The following THRB variants were observed in gnomAD, a reference collection of about 807,000 sequenced individuals.
The protein encoded by THRB is thyroid hormone receptor beta, also known as nuclear receptor subfamily 1 group A member 2.
THRB carries 12 observed loss-of-function variants against 47.8 expected under a neutral mutation model. The observed-to-expected ratio is 0.25, with a 90% CI of 0.16 to 0.41. The LOEUF (loss-of-function observed/expected upper bound fraction) is 0.41. Among genes scored for constraint, THRB ranks in the 10% least tolerant of loss-of-function variants. The probability of loss-of-function intolerance (pLI) is 1.00; values close to 1 mark genes in which losing one functional copy is unlikely to be tolerated. For missense variants in THRB, 348 were observed against 589.2 expected (o/e 0.59, Z 4.24); for synonymous variants, 218 against 212.2 (o/e 1.03, Z -0.24).
rs76509683 is a variant in THRB at position 24,403,424 on chromosome 3, A to G, written c.-260-66053T>C. Among the ~76,000 whole-genome samples, 1,446 of 152,118 alleles carry G rather than the reference A, an allele frequency of 9.5e-3. 20 individuals carry two copies. Among genetic ancestry groups the G allele is most frequent in the African/African-American group, 0.033 (1,356 of 41,546 alleles). ...TTAACATTTCTCAAATCTAGGACAC[A>G]GTTCTCAATGTATCCGAGAAATTCT... On this transcript the variant is annotated intron_variant, in intron 1 of 10. Coordinates refer to ENST00000646209, the MANE Select transcript of THRB (RefSeq NM_001354712.2).
intron 1 of THRB, among the ~76,000 whole-genome samples, chr3:24,338,009 G>A (rs148255798): frequency 2.6e-5 from 4 of 152,300 alleles, no homozygotes; most frequent in African/African-American, 7.2e-5. Flanking sequence ...AGAGGATGTC[G>A]CCGAGTGGCT....
At chr3:24,451,336 C>T (rs973755139) in intron 1 of THRB, among the ~76,000 whole-genome samples, 1 of 149,302 alleles carries the variant, frequency 6.7e-6, no homozygotes, top group Non-Finnish European at 1.5e-5. Context: ...CAGATTCAAG[C>T]GATTCTCCTG....
chr3:24,269,800 T>A, intron 3 of THRB, among the ~76,000 whole-genome samples: 1 of 152,152 alleles, frequency 6.6e-6, no homozygotes, highest in East Asian at 1.9e-4. Context: ...TTTATTCACC[T>A]TGACAAGTAT....
intron 1 of THRB, among the ~76,000 whole-genome samples, chr3:24,439,073 G>A (rs2071271511): frequency 6.6e-6 from 1 of 152,192 alleles, no homozygotes; most frequent in Admixed American, 6.5e-5. Flanking sequence ...ATTCTGCACA[G>A]AGGCAAGGGG....
At chr3:24,439,819 T>G (rs2071357726) in intron 1 of THRB, among the ~76,000 whole-genome samples, 1 of 152,236 alleles carries the variant, frequency 6.6e-6, no homozygotes, top group Admixed American at 6.5e-5. Flanking sequence ...ACAGTTCAGA[T>G]TGTTCCACCA....
intron 5 of THRB, among the ~76,000 whole-genome samples, chr3:24,165,972 C>T (rs2039596433): frequency 6.6e-6 from 1 of 152,168 alleles, no homozygotes; most frequent in Non-Finnish European, 1.5e-5. Flanking sequence ...GACTCCAAAA[C>T]ATTAATCTAG....
intron 4 of THRB, among the ~76,000 whole-genome samples, chr3:24,202,696 C>T (rs2044737104): frequency 6.6e-6 from 1 of 152,142 alleles, no homozygotes. Flanking sequence ...TACTATGTGC[C>T]ATTTCATTTA....
intron 2 of THRB, among the ~76,000 whole-genome samples, chr3:24,300,182 G>A (rs1465545283): frequency 6.6e-6 from 1 of 152,122 alleles, no homozygotes; most frequent in Middle Eastern, 3.2e-3. Flanking sequence ...GACCCAGGGT[G>A]GCTGGTTACA....
At chr3:24,492,779 T>C (rs1698358387) in intron 1 of THRB, among the ~76,000 whole-genome samples, 1 of 152,258 alleles carries the variant, frequency 6.6e-6, no homozygotes, top group Admixed American at 6.5e-5. Flanking sequence ...TTCATTCCTC[T>C]ACATAATGTC....
At chr3:24,250,932 A>G (rs1185465107) in intron 3 of THRB, among the ~76,000 whole-genome samples, 1 of 152,148 alleles carries the variant, frequency 6.6e-6, no homozygotes, top group Non-Finnish European at 1.5e-5. Flanking sequence ...ATGTGACCAA[A>G]GGCAATAAAG....
chr3:24,133,470 G>A lies in THRB; in HGVS notation c.739-8C>T, dbSNP rs1485417182. On this transcript the variant is annotated splice_region_variant and splice_polypyrimidine_tract_variant and intron_variant, in intron 8 of 10. Transcript: ENST00000646209. The stretch of plus-strand genomic sequence containing the variant: ...TTGTCCAATGTCTTCTGGCTAAGGA[G>A]GAGAAAAAAGAAAGATTTAAATGAA... 6.2e-7 allele frequency: 1 copy of A among 1,613,644 alleles called. No homozygotes were observed. Among genetic ancestry groups the A allele is most frequent in the East Asian group, 2.2e-5 (1 of 44,852 alleles).
At chr3:24,464,274 T>G (rs181812007) in intron 1 of THRB, among the ~76,000 whole-genome samples, 17 of 142,698 alleles carry the variant, frequency 1.2e-4, no homozygotes, top group African/African-American at 3.6e-4. Context: ...AAAAGAAAAA[T>G]AAATGGTTGC....
chr3:24,482,943 G>A (rs1696700468), intron 1 of THRB, among the ~76,000 whole-genome samples: 1 of 152,110 alleles, frequency 6.6e-6, no homozygotes, highest in Admixed American at 6.5e-5. Context: ...CAGTCAAATA[G>A]AAAGACACAT....
At chr3:24,407,506 G>A (rs138362732) in intron 1 of THRB, among the ~76,000 whole-genome samples, 1 of 151,864 alleles carries the variant, frequency 6.6e-6, no homozygotes, top group East Asian at 2.0e-4. Context: ...TTTTTAAAAG[G>A]ATAATTTCAA....
At chr3:24,421,105 A>G (rs889052134) in intron 1 of THRB, among the ~76,000 whole-genome samples, 2 of 151,982 alleles carry the variant, frequency 1.3e-5, no homozygotes, top group African/African-American at 4.8e-5. Context: ...GGAATGGAAA[A>G]TCAAATACTT....
At chr3:24,287,632 C>T (rs1233570346) in intron 3 of THRB, among the ~76,000 whole-genome samples, 1 of 152,168 alleles carries the variant, frequency 6.6e-6, no homozygotes, top group African/African-American at 2.4e-5. Flanking sequence ...GAGCGTTGTC[C>T]CAGCTTTCTG....
chr3:24,241,730 C>T (rs1178921339), intron 3 of THRB, among the ~76,000 whole-genome samples: 4 of 152,098 alleles, frequency 2.6e-5, no homozygotes, highest in Admixed American at 6.6e-5. Flanking sequence ...TTTCTTAGAG[C>T]GGGGTTCTCA....
intron 1 of THRB, among the ~76,000 whole-genome samples, chr3:24,378,890 T>A (rs1374871700): frequency 6.6e-6 from 1 of 152,104 alleles, no homozygotes; most frequent in Non-Finnish European, 1.5e-5. Context: ...AAACAAAATA[T>A]TCCAAAATCC....
intron 5 of THRB, among the ~76,000 whole-genome samples, chr3:24,176,633 T>A (rs1442299964): frequency 6.6e-6 from 1 of 152,200 alleles, no homozygotes; most frequent in Non-Finnish European, 1.5e-5. Context: ...TTCAAAGTAC[T>A]GATACATGCT....
Sources: allele counts gnomAD v4.1 joint callset (sites outside exome capture counted in the v4.1 genomes callset), GRCh38; gene constraint gnomAD v4.1.1; transcripts MANE v1.5; gene names NCBI Gene and HGNC (gene_info 2026-07-23, HGNC 2026-07-21).